Variants in CPPED1 observed in about 807,000 individuals in gnomAD.
The protein encoded by CPPED1 is serine/threonine-protein phosphatase CPPED1.
CPPED1 carries 28 observed loss-of-function variants against 28.0 expected under a neutral mutation model. The observed-to-expected ratio is 1.00, with a 90% confidence interval of 0.74 to 1.37. CPPED1 has a LOEUF of 1.37. Ranked by LOEUF, CPPED1 falls within the 40% of genes most tolerant of loss-of-function variation. The pLI is 0.00. For synonymous variants in CPPED1, 198 were observed against 180.2 expected (o/e 1.10, Z -0.79); for missense variants, 504 against 416.5 (o/e 1.21, Z -1.83).
chr16:12,726,522 T>G lies in CPPED1; in HGVS notation c.290-21473A>C, dbSNP rs563645634. 1.2e-4 allele frequency among the ~76,000 whole-genome samples: 18 copies of G among 152,072 alleles called. No individual in the cohort carries two copies. In the East Asian group the frequency reaches 3.5e-3, roughly 30 times the overall value. On this transcript the variant is annotated intron_variant, in intron 2 of 3. Transcript: ENST00000381774. ...CACACCCAGCTAATTTTTGAATTTT[T>G]AGTAGAGACGGGGTTTCACCCTGTT...
intron 2 of CPPED1, among the ~76,000 whole-genome samples, chr16:12,738,203 T>C (rs535152260): frequency 6.6e-6 from 1 of 152,156 alleles, no homozygotes; most frequent in African/African-American, 2.4e-5. Flanking sequence ...ACAATGATGC[T>C]TGTAATAATA....
chr16:12,780,944 T>A (rs1480256199), intron 2 of CPPED1: 8 of 524,392 alleles, frequency 1.5e-5, no homozygotes, highest in Admixed American at 1.3e-4. Flanking sequence ...ATTTTTCATA[T>A]TAAGCTCAAA....
intron 2 of CPPED1, 120 bp downstream of exon 2, chr16:12,781,065 G>A (rs570775041): frequency 7.1e-5 from 54 of 765,340 alleles, no homozygotes; most frequent in African/African-American, 5.1e-4. Flanking sequence ...ATCATGAAGC[G>A]AAAGAACGGT....
chr16:12,705,115 G>T, intron 2 of CPPED1, 66 bp from the exon 3 acceptor site: 1 of 1,449,312 alleles, frequency 6.9e-7, no homozygotes, highest in Non-Finnish European at 9.3e-7. Context: ...ACTAACTTAA[G>T]TACTTACTAA....
intron 2 of CPPED1, among the ~76,000 whole-genome samples, chr16:12,707,349 C>A (rs918830666): frequency 7.2e-5 from 11 of 152,202 alleles, no homozygotes; most frequent in Non-Finnish European, 1.6e-4. Flanking sequence ...GTTCTCAGAG[C>A]TGTGTGTGCA....
intron 2 of CPPED1, among the ~76,000 whole-genome samples, chr16:12,740,823 G>A (rs532914609): frequency 2.8e-4 from 43 of 152,272 alleles, no homozygotes; most frequent in Admixed American, 2.2e-3. Flanking sequence ...CTGTCAGAAG[G>A]TTAGAAAGCC....
intron 3 of CPPED1, among the ~76,000 whole-genome samples, chr16:12,698,742 T>C (rs1028464790): frequency 1.3e-5 from 2 of 152,234 alleles, no homozygotes; most frequent in African/African-American, 4.8e-5. Context: ...AACTTTGAAA[T>C]CTTAAAACTA....
chr16:12,699,541 T>C (rs1315589779), intron 3 of CPPED1, among the ~76,000 whole-genome samples: 2 of 152,302 alleles, frequency 1.3e-5, no homozygotes, highest in Non-Finnish European at 2.9e-5. Flanking sequence ...TTGATGCTCA[T>C]TATTAAATCA....
chr16:12,764,135 G>C (rs2080425682), intron 2 of CPPED1, among the ~76,000 whole-genome samples: 1 of 151,310 alleles, frequency 6.6e-6, no homozygotes. Flanking sequence ...CTTTCTCTGA[G>C]AAGCAGGTCA....
intron 2 of CPPED1, among the ~76,000 whole-genome samples, chr16:12,776,341 A>T (rs1008651168): frequency 6.6e-6 from 1 of 152,220 alleles, no homozygotes; most frequent in African/African-American, 2.4e-5. Context: ...GTTTGATTCC[A>T]CTAAGTTGGT....
At chr16:12,766,750 C>T (rs561952831) in intron 2 of CPPED1, among the ~76,000 whole-genome samples, 11 of 152,206 alleles carry the variant, frequency 7.2e-5, no homozygotes, top group South Asian at 2.1e-4. Flanking sequence ...GCCTGGGTGA[C>T]GGATCAAGAC....
chr16:12,689,266 C>G (rs2079949820), intron 3 of CPPED1, among the ~76,000 whole-genome samples: 2 of 142,066 alleles, frequency 1.4e-5, no homozygotes, highest in Admixed American at 1.5e-4. Flanking sequence ...TCACTCTGTC[C>G]TCCAGACTGG....
At chr16:12,672,734 A>G (rs1009143847) in intron 3 of CPPED1, among the ~76,000 whole-genome samples, 9 of 152,146 alleles carry the variant, frequency 5.9e-5, no homozygotes, top group Admixed American at 5.9e-4. Flanking sequence ...AATGATCACG[A>G]ATTAATCGGG....
chr16:12,750,809 A>G (rs2080322925), intron 2 of CPPED1, among the ~76,000 whole-genome samples: 1 of 152,090 alleles, frequency 6.6e-6, no homozygotes, highest in Admixed American at 6.5e-5. Context: ...TGTCTCTACT[A>G]AAAGTACAAA....
At chr16:12,770,552 G>C (rs2080464088) in intron 2 of CPPED1, among the ~76,000 whole-genome samples, 1 of 152,102 alleles carries the variant, frequency 6.6e-6, no homozygotes, top group South Asian at 2.1e-4. Context: ...CCAGGGCGTG[G>C]TGGCTCACAC....
At chr16:12,791,583 G>A (rs79329679) in intron 1 of CPPED1, among the ~76,000 whole-genome samples, 8,233 of 152,182 alleles carry the variant, frequency 0.054, 306 homozygotes, top group Middle Eastern at 0.11. Context: ...CCACCTTACC[G>A]TTCCCATCAC....
At chr16:12,722,032 A>G (rs892954691) in intron 2 of CPPED1, among the ~76,000 whole-genome samples, 1 of 152,190 alleles carries the variant, frequency 6.6e-6, no homozygotes, top group African/African-American at 2.4e-5. Context: ...AGGCAAACAG[A>G]CAAGAAAAGA....
chr16:12,686,990 G>A (rs531332324), intron 3 of CPPED1, among the ~76,000 whole-genome samples: 4 of 152,146 alleles, frequency 2.6e-5, no homozygotes, highest in East Asian at 1.9e-4. Flanking sequence ...CCCATTGCCC[G>A]CTTTCTGATG....
chr16:12,742,738 G>A (rs1031719313), intron 2 of CPPED1, among the ~76,000 whole-genome samples: 2 of 152,168 alleles, frequency 1.3e-5, no homozygotes, highest in Non-Finnish European at 2.9e-5. Flanking sequence ...GTGGGGAAAC[G>A]ACAGTTGTTG....
Sources: gnomAD v4.1 joint callset for allele counts (sites outside exome capture counted in the v4.1 genomes callset) on GRCh38, gnomAD v4.1.1 for gene constraint, MANE v1.5 for transcripts, NCBI Gene and HGNC (gene_info 2026-07-23, HGNC 2026-07-21) for gene names.